Variants in RPRD2 observed in about 807,000 individuals in gnomAD.
The protein encoded by RPRD2 is regulation of nuclear pre-mRNA domain-containing protein 2.
In RPRD2, 12 loss-of-function variants were observed where a neutral mutation model predicts 104.4. The ratio of observed to expected loss-of-function variants is 0.11; its 90% confidence interval spans 0.07 to 0.19. The LOEUF (loss-of-function observed/expected upper bound fraction) is 0.19, where lower values mean the gene tolerates loss of function less well. Among genes scored for constraint, RPRD2 ranks in the 10% least tolerant of loss-of-function variants. The pLI is 1.00. For missense variants in RPRD2, 1,543 were observed against 1,790.1 expected (o/e 0.86, Z 2.49); for synonymous variants, 714 against 684.9 (o/e 1.04, Z -0.66).
At chr1:150,381,865 G>T (rs1661161317) in intron 1 of RPRD2, among the ~76,000 whole-genome samples, 1 of 152,122 alleles carries the variant, frequency 6.6e-6, no homozygotes, top group Non-Finnish European at 1.5e-5. Flanking sequence ...TTGTACTGTT[G>T]TATGTTGGTT....
intron 1 of RPRD2, among the ~76,000 whole-genome samples, chr1:150,378,845 T>A (rs1468294812): frequency 1.3e-5 from 2 of 151,114 alleles, no homozygotes; most frequent in Non-Finnish European, 2.9e-5. Context: ...TAGCCAGGCA[T>A]GGTGGTGCGC....
At position 150,473,073 on chromosome 1, in the gene RPRD2, T is replaced by A. The variant is rs771871897; in HGVS notation, c.4125T>A (p.Ser1375=). Residue 1375 remains serine, a synonymous_variant, in exon 11 of 11, where the codon TCT becomes TCA. Transcript: ENST00000369068. ...VRESLTLPSH[S]LEHLGPPHGG... is the part of the protein sequence containing the mutation. ...AGAGCCTCACCCTACCCTCCCATTC[T>A]CTGGAACACCTGGGCCCACCCCATG... The A allele has an allele frequency of 3.1e-6, 5 of 1,613,936 alleles. No homozygotes were observed. In the Admixed American group the frequency reaches 8.3e-5, roughly 27 times the overall value.
chr1:150,461,164 A>T (rs1372578255), intron 9 of RPRD2, among the ~76,000 whole-genome samples: 1 of 150,444 alleles, frequency 6.6e-6, no homozygotes, highest in African/African-American at 2.4e-5. Context: ...GGAGGCTGAG[A>T]TGGTAGATTG....
intron 9 of RPRD2, among the ~76,000 whole-genome samples, chr1:150,462,015 G>A (rs1202497070): frequency 1.3e-5 from 2 of 151,246 alleles, no homozygotes; most frequent in African/African-American, 2.4e-5. Context: ...CAGGTTTGGT[G>A]GCTCACGCCT....
At chr1:150,393,741 T>C (rs1389400102) in intron 1 of RPRD2, among the ~76,000 whole-genome samples, 1 of 152,124 alleles carries the variant, frequency 6.6e-6, no homozygotes, top group East Asian at 1.9e-4. Flanking sequence ...CAAAAATGTT[T>C]AACCTGAACC....
intron 1 of RPRD2, among the ~76,000 whole-genome samples, chr1:150,383,282 A>G (rs967056121): frequency 6.7e-6 from 1 of 149,904 alleles, no homozygotes; most frequent in African/African-American, 2.5e-5. Context: ...GGTGTGAGCC[A>G]CGAGACCTGG....
At chr1:150,402,974 A>AC in intron 1 of RPRD2, among the ~76,000 whole-genome samples, 1 of 122,476 alleles carries the variant, frequency 8.2e-6, no homozygotes. Flanking sequence ...GCCTCAAAAA[A>AC]ACAAAAACAA....
At chr1:150,400,444 G>A (rs1465156509) in intron 1 of RPRD2, among the ~76,000 whole-genome samples, 2 of 152,180 alleles carry the variant, frequency 1.3e-5, no homozygotes, top group African/African-American at 2.4e-5. Flanking sequence ...GGTTGGTTTT[G>A]GGATGAAACT....
chr1:150,420,946 C>T (rs782608963), intron 2 of RPRD2, among the ~76,000 whole-genome samples: 3 of 152,134 alleles, frequency 2.0e-5, no homozygotes, highest in Admixed American at 1.3e-4. Context: ...TGTAAAGGGT[C>T]GATAGTTAAG....
At chr1:150,426,488 T>C (rs1397491881) in intron 2 of RPRD2, among the ~76,000 whole-genome samples, 1 of 152,184 alleles carries the variant, frequency 6.6e-6, no homozygotes, top group African/African-American at 2.4e-5. Flanking sequence ...TAGGCTAATA[T>C]ATGTAAAGCA....
intron 1 of RPRD2, among the ~76,000 whole-genome samples, chr1:150,395,788 C>A (rs1572389634): frequency 6.6e-6 from 1 of 152,182 alleles, no homozygotes; most frequent in South Asian, 2.1e-4. Flanking sequence ...GGATTACAGG[C>A]GTGAGCCACC....
chr1:150,389,358 T>C (rs1339957378), intron 1 of RPRD2, among the ~76,000 whole-genome samples: 4 of 152,210 alleles, frequency 2.6e-5, no homozygotes, highest in Non-Finnish European at 5.9e-5. Context: ...AGTTTTCTTT[T>C]AAGCTTCCCT....
intron 10 of RPRD2, 131 bp downstream of exon 10, chr1:150,464,858 T>G: frequency 5.0e-6 from 2 of 399,860 alleles, no homozygotes; most frequent in Non-Finnish European, 4.0e-6. Flanking sequence ...TTCTTTTTAT[T>G]TATTTATTTA....
Position 150,473,376 on chromosome 1 carries a change from T to C in RPRD2, c.*42T>C, listed in dbSNP as rs769378790. On this transcript the variant is annotated 3_prime_UTR_variant, in exon 11 of 11. Transcript: ENST00000369068. Reference sequence around the variant, plus strand: ...GGCATTTTGAACAGTCTAGAGAACATTGGAAGTAGGAGTTTGGTTTATTGT... The same window carrying C: ...GGCATTTTGAACAGTCTAGAGAACACTGGAAGTAGGAGTTTGGTTTATTGT... 8.6e-6 allele frequency: 13 copies of C among 1,507,130 alleles called. No homozygotes were observed. Among genetic ancestry groups the C allele is most frequent in the Admixed American group, 2.2e-5 (1 of 44,814 alleles). The allele number at this position is 1,507,130 out of a possible 1,614,324, so 93.4% of individuals were successfully genotyped here.
intron 2 of RPRD2, among the ~76,000 whole-genome samples, chr1:150,436,342 C>G (rs1277175749): frequency 1.3e-5 from 2 of 152,166 alleles, no homozygotes; most frequent in African/African-American, 4.8e-5. Context: ...TGGCTCATGC[C>G]TGTAATCCCA....
chr1:150,450,746 G>A (rs918971846), intron 7 of RPRD2, among the ~76,000 whole-genome samples: 3 of 151,276 alleles, frequency 2.0e-5, no homozygotes, highest in Non-Finnish European at 4.4e-5. Context: ...TCAGCCTCCC[G>A]AATAGGTGGA....
chr1:150,402,309 C>T (rs1297445043), intron 1 of RPRD2, among the ~76,000 whole-genome samples: 1 of 152,194 alleles, frequency 6.6e-6, no homozygotes, highest in Non-Finnish European at 1.5e-5. Context: ...TTCAGTTCAG[C>T]AGTTCTACTC....
intron 1 of RPRD2, among the ~76,000 whole-genome samples, chr1:150,371,037 T>C (rs1660261804): frequency 6.6e-6 from 1 of 152,194 alleles, no homozygotes; most frequent in Admixed American, 6.5e-5. Context: ...TAAATCTCAA[T>C]GCAAGCTGGT....
rs186496323 is a variant in RPRD2, at chr1:150,399,243, A to G, written c.206-18353A>G. On this transcript the variant is annotated intron_variant, in intron 1 of 10. Transcript: ENST00000369068. ...GGTCTCAAACTCCTGGGCTCAAGCA[A>G]TCCTCCCACCTTGGCCTCCCAAAGT... Among the ~76,000 whole-genome samples the G allele has an allele frequency of 2.0e-3, 308 of 152,188 alleles. 2 individuals are homozygous for G. The highest frequency in any genetic ancestry group is 3.9e-3 in the Admixed American group (60 of 15,290).
Sources: gnomAD v4.1 joint callset for allele counts (sites outside exome capture counted in the v4.1 genomes callset) on GRCh38, gnomAD v4.1.1 for gene constraint, MANE v1.5 for transcripts, NCBI Gene and HGNC (gene_info 2026-07-23, HGNC 2026-07-21) for gene names.